Variants in NKAIN2 observed in about 807,000 individuals in gnomAD.
NKAIN2 encodes sodium/potassium-transporting ATPase subunit beta-1-interacting protein 2.
Under a neutral mutation model 32.6 loss-of-function variants are expected in NKAIN2, and 14 were observed. The observed-to-expected ratio is 0.43, with a 90% CI of 0.28 to 0.67. The LOEUF (loss-of-function observed/expected upper bound fraction) is 0.67. Among genes scored for constraint, NKAIN2 ranks in the 30% least tolerant of loss-of-function variants. The probability of loss-of-function intolerance (pLI) is 0.17; values close to 1 mark genes in which losing one functional copy is unlikely to be tolerated. For synonymous variants in NKAIN2, 80 were observed against 87.2 expected (o/e 0.92, Z 0.46); for missense variants, 198 against 258.3 (o/e 0.77, Z 1.60).
At position 123,843,740 on chromosome 6, in the gene NKAIN2, CAG is replaced by C. The variant is rs145365011; in HGVS notation, c.54+39487_54+39488del. ...TATAGGATCAGAGCTACAGAAAGAA[CAG>C]GGGTTTGGGGCTTCTGACGGGTGGT... is the stretch of plus-strand genomic sequence containing the variant. On this transcript the variant is annotated intron_variant, in intron 1 of 6. Coordinates refer to ENST00000368417, the MANE Select transcript of NKAIN2 (RefSeq NM_001040214.3). Among the ~76,000 whole-genome samples the C allele has an allele frequency of 4.8e-3, 732 of 152,072 alleles. 6 individuals carry two copies. The highest frequency in any genetic ancestry group is 0.017 in the African/African-American group (706 of 41,486).
chr6:123,891,567 A>G (rs1774020099), intron 1 of NKAIN2, among the ~76,000 whole-genome samples: 1 of 152,166 alleles, frequency 6.6e-6, no homozygotes, highest in Non-Finnish European at 1.5e-5. Flanking sequence ...CAGTGCCCAA[A>G]CATTGGTGCT....
intron 3 of NKAIN2, among the ~76,000 whole-genome samples, chr6:124,361,733 A>G (rs1412967243): frequency 2.6e-5 from 4 of 152,058 alleles, no homozygotes; most frequent in Non-Finnish European, 5.9e-5. Context: ...TTAGGGAATA[A>G]AATTGCACTC....
At position 124,223,170 on chromosome 6, in the gene NKAIN2, G is replaced by A. The variant is rs546032202; in HGVS notation, c.55-59835G>A. 1.3e-3 allele frequency among the ~76,000 whole-genome samples: 176 copies of A among 130,872 alleles called. 1 individual carries two copies. Among genetic ancestry groups the A allele is most frequent in the African/African-American group, 4.7e-3 (159 of 33,736 alleles). 85.9% of individuals were successfully genotyped at this position (130,872 alleles called of 152,430 possible). ...GGAGGTTGCAATGAGTGGAGATTGC[G>A]CCACTGTACTCCAGCCTGGGCGACA... On this transcript the variant is annotated intron_variant, in intron 1 of 6. Transcript: ENST00000368417.
chr6:124,400,278 G>T (rs1773569160), intron 3 of NKAIN2, among the ~76,000 whole-genome samples: 1 of 151,990 alleles, frequency 6.6e-6, no homozygotes, highest in Non-Finnish European at 1.5e-5. Flanking sequence ...GTTGCCAATT[G>T]ATTTTAGTAC....
At chr6:124,306,521 A>G (rs1796510048) in intron 2 of NKAIN2, among the ~76,000 whole-genome samples, 1 of 152,180 alleles carries the variant, frequency 6.6e-6, no homozygotes, top group Non-Finnish European at 1.5e-5. Flanking sequence ...ACTGATGATT[A>G]AAGAAAAACA....
At chr6:123,874,166 C>G (rs1003118214) in intron 1 of NKAIN2, among the ~76,000 whole-genome samples, 2 of 152,092 alleles carry the variant, frequency 1.3e-5, no homozygotes, top group African/African-American at 4.8e-5. Flanking sequence ...TTTTTTTCCA[C>G]CATGGAGAGC....
chr6:123,898,387 T>C (rs1774385530), intron 1 of NKAIN2, among the ~76,000 whole-genome samples: 1 of 152,204 alleles, frequency 6.6e-6, no homozygotes, highest in African/African-American at 2.4e-5. Flanking sequence ...TTGACAATTG[T>C]GCTTTTGACA....
intron 1 of NKAIN2, among the ~76,000 whole-genome samples, chr6:123,897,521 T>C (rs1175831478): frequency 2.6e-5 from 4 of 152,168 alleles, no homozygotes; most frequent in African/African-American, 9.7e-5. Flanking sequence ...TAGTGTACTG[T>C]AATCACATGT....
intron 3 of NKAIN2, among the ~76,000 whole-genome samples, chr6:124,405,117 C>A (rs115647709): frequency 6.6e-6 from 1 of 152,112 alleles, no homozygotes; most frequent in Admixed American, 6.6e-5. Flanking sequence ...AAAATGGTTG[C>A]AGATCAGATT....
chr6:124,169,504 C>G (rs539483948), intron 1 of NKAIN2, among the ~76,000 whole-genome samples: 14 of 152,050 alleles, frequency 9.2e-5, no homozygotes, highest in African/African-American at 3.4e-4. Flanking sequence ...CTCTTAGTTC[C>G]TAAATATAGT....
chr6:124,588,417 G>T (rs1332939803), intron 3 of NKAIN2, among the ~76,000 whole-genome samples: 1 of 151,914 alleles, frequency 6.6e-6, no homozygotes, highest in African/African-American at 2.4e-5. Context: ...TTTAAAATTT[G>T]AGGCCTGCGT....
Position 124,269,026 on chromosome 6 carries a change from T to C in NKAIN2, c.55-13979T>C, listed in dbSNP as rs192570336. On this transcript the variant is annotated intron_variant, in intron 1 of 6. Transcript: ENST00000368417. ...GTAGTATGTAAAATATGTGCACAGA[T>C]AGATAGAAGAAGCATGTATAAAATT... Among the ~76,000 whole-genome samples, 495 of 152,326 alleles carry C rather than the reference T, an allele frequency of 3.2e-3. 2 individuals are homozygous for C. The highest frequency in any genetic ancestry group is 0.017 in the Middle Eastern group (5 of 294).
intron 1 of NKAIN2, among the ~76,000 whole-genome samples, chr6:123,972,366 T>C (rs966929978): frequency 1.3e-5 from 2 of 152,196 alleles, no homozygotes; most frequent in Admixed American, 1.3e-4. Flanking sequence ...TTTTTGATTT[T>C]AGGTCATCAC....
chr6:123,916,956 G>A (rs1346309660), intron 1 of NKAIN2, among the ~76,000 whole-genome samples: 1 of 152,060 alleles, frequency 6.6e-6, no homozygotes, highest in Non-Finnish European at 1.5e-5. Flanking sequence ...AAGACCTGAT[G>A]TCAATGTCAA....
At chr6:124,262,578 G>A (rs761894881) in intron 1 of NKAIN2, among the ~76,000 whole-genome samples, 1 of 152,198 alleles carries the variant, frequency 6.6e-6, no homozygotes, top group African/African-American at 2.4e-5. Context: ...GACCTTGTTT[G>A]TGAGCATATT....
intron 1 of NKAIN2, among the ~76,000 whole-genome samples, chr6:124,185,917 T>A (rs1562408787): frequency 6.6e-6 from 1 of 152,052 alleles, no homozygotes; most frequent in Non-Finnish European, 1.5e-5. Context: ...TATAATTTTG[T>A]TAGAAGACAA....
At chr6:124,767,843 G>A (rs901265986) in intron 4 of NKAIN2, among the ~76,000 whole-genome samples, 1 of 151,860 alleles carries the variant, frequency 6.6e-6, no homozygotes, top group South Asian at 2.1e-4. Context: ...TTTTCGTCTG[G>A]TGCCTCCCAC....
chr6:123,805,301 C>T (rs1212940799), intron 1 of NKAIN2, among the ~76,000 whole-genome samples: 1 of 152,190 alleles, frequency 6.6e-6, no homozygotes, highest in East Asian at 1.9e-4. Context: ...AGTGTCCAAT[C>T]AGTAAAGTGT....
At chr6:124,258,039 C>T (rs1257316186) in intron 1 of NKAIN2, among the ~76,000 whole-genome samples, 5 of 151,886 alleles carry the variant, frequency 3.3e-5, no homozygotes, top group Non-Finnish European at 7.4e-5. Context: ...CTCGGCCTCC[C>T]AAAGTGCTGG....
Sources: gnomAD v4.1 joint callset for allele counts (sites outside exome capture counted in the v4.1 genomes callset) on GRCh38, gnomAD v4.1.1 for gene constraint, MANE v1.5 for transcripts, NCBI Gene and HGNC (gene_info 2026-07-23, HGNC 2026-07-21) for gene names.